The following BCL11B variants were observed in gnomAD, a reference collection of about 807,000 sequenced individuals.
BCL11B encodes BCL11 transcription factor B.
Under a neutral mutation model 49.9 loss-of-function variants are expected in BCL11B, and 8 were observed. The observed-to-expected ratio is 0.16, with a 90% confidence interval of 0.09 to 0.29. The LOEUF is 0.29. Among genes scored for constraint, BCL11B ranks in the 10% least tolerant of loss-of-function variants. The pLI, the probability that BCL11B is intolerant of heterozygous loss-of-function variation, is 1.00. For synonymous variants in BCL11B, 739 were observed against 637.4 expected, an observed-to-expected ratio of 1.16 and a Z score of -2.40; for missense variants, 1,006 against 1,351.0, an observed-to-expected ratio of 0.74 and a Z score of 4.00.
At position 99,173,342 on chromosome 14, in the gene BCL11B, C is replaced by G. The variant is rs553387176; in HGVS notation, c.*809G>C. 3.4e-4 allele frequency: 76 copies of G among 221,446 alleles called. No homozygotes were observed. Among genetic ancestry groups the G allele is most frequent in the African/African-American group, 1.6e-3 (71 of 44,704 alleles). 13.7% of individuals were successfully genotyped at this position (221,446 alleles called of 1,614,324 possible). On this transcript the variant is annotated 3_prime_UTR_variant, in exon 4 of 4. Transcript: ENST00000357195. ...GAGGAGCCCTCCAAAAACCCTATCTCTGGCGGCGCTGAGTCTGTGGGGTGC... is the reference window on the plus strand; with the variant it reads ...GAGGAGCCCTCCAAAAACCCTATCTGTGGCGGCGCTGAGTCTGTGGGGTGC...
chr14:99,271,211 C>A lies in BCL11B; in HGVS notation c.8G>T (p.Arg3Leu). MSRRKQGNPQHLS... is the reference protein window; with the variant it reads MSLRKQGNPQHLS... ...GTGCTGCGGGTTGCCCTGTTTGCGG[C>A]GGGACATTGCCCCGGCATCTATTCT... Residue 3 changes from arginine (R) to leucine (L), a missense_variant, in exon 1 of 4, where the codon CGC (arginine) becomes CTC (leucine). Arg to Leu is a moderately radical substitution (Grantham distance 102). Coordinates refer to ENST00000357195, the MANE Select transcript of BCL11B (RefSeq NM_138576.4). 6.5e-7 allele frequency: 1 copy of A among 1,532,182 alleles called. No individual in the cohort carries two copies. The allele number at this position is 1,532,182 out of a possible 1,614,324, so 94.9% of individuals were successfully genotyped here. A position where few individuals can be genotyped will look rare whatever the true frequency, so the allele number is the denominator to read the frequency against.
intron 3 of BCL11B, among the ~76,000 whole-genome samples, chr14:99,209,536 A>G (rs926250395): frequency 6.6e-6 from 1 of 152,056 alleles, no homozygotes; most frequent in Non-Finnish European, 1.5e-5. Context: ...ACCAGGGGAG[A>G]GAAGCATGCG....
rs985809546 is a variant in BCL11B at position 99,232,841 on chromosome 14, A to C, written c.428-1284T>G. ...TTTCTCTGTAGCCCTGGTTTCTCTA[A>C]AACATGGGTTATCCAGGATCAAGGC... On this transcript the variant is annotated intron_variant, in intron 2 of 3. Coordinates refer to ENST00000357195, the MANE Select transcript of BCL11B (RefSeq NM_138576.4). The surrounding 1 kb of genome is among the most constrained non-coding windows in gnomAD (Gnocchi z 5.1). Among the ~76,000 whole-genome samples the C allele has an allele frequency of 6.6e-6, 1 of 152,160 alleles. No homozygotes were observed. Among genetic ancestry groups the C allele is most frequent in the Admixed American group, 6.5e-5 (1 of 15,270 alleles).
intron 3 of BCL11B, among the ~76,000 whole-genome samples, chr14:99,179,654 T>C (rs1229636290): frequency 6.6e-6 from 1 of 152,004 alleles, no homozygotes; most frequent in Non-Finnish European, 1.5e-5. Flanking sequence ...GGGAACCGCT[T>C]TGGTTCCAAT....
chr14:99,175,381 G>C lies in BCL11B; in HGVS notation c.1455C>G (p.Ala485=). ...KTHMHKAGSL[A]GRSDDGLSAA... is the part of the protein sequence containing the mutation. ...CCGAGAGCCCGTCGTCGGAGCGGCC[G>C]GCCAGCGAGCCGGCCTTGTGCATGT... Residue 485 remains alanine, a synonymous_variant, in exon 4 of 4, where the codon GCC becomes GCG. Transcript: ENST00000357195. 6.3e-7 allele frequency: 1 copy of C among 1,592,290 alleles called. No individual in the cohort carries two copies. Among genetic ancestry groups the C allele is most frequent in the Non-Finnish European group, 8.5e-7 (1 of 1,173,066 alleles).
In BCL11B at chr14:99,242,604, C is replaced by T. The variant is rs1888704179; in HGVS notation, c.428-11047G>A. 6.6e-6 allele frequency among the ~76,000 whole-genome samples: 1 copy of T among 152,248 alleles called. No individual in the cohort carries two copies. The highest frequency in any genetic ancestry group is 6.5e-5 in the Admixed American group (1 of 15,292). On this transcript the variant is annotated intron_variant, in intron 2 of 3. Coordinates refer to ENST00000357195, the MANE Select transcript of BCL11B (RefSeq NM_138576.4). This position sits in a 1 kb window ranked among gnomAD's most constrained non-coding sequence, Gnocchi z 4.4. The stretch of plus-strand genomic sequence containing the variant: ...AAGGAGAGGACCACACTCTCCCACC[C>T]CTACCCCACAACTCCAGCCCAAAGT...
At chr14:99,197,220 G>A (rs1887202671) in intron 3 of BCL11B, among the ~76,000 whole-genome samples, 1 of 152,158 alleles carries the variant, frequency 6.6e-6, no homozygotes, top group African/African-American at 2.4e-5. Flanking sequence ...GATACAGTTG[G>A]TGGCAGTGGG....
chr14:99,176,418 C>G lies in BCL11B; in HGVS notation c.641-223G>C, dbSNP rs946535359. Among the ~76,000 whole-genome samples, 2 of 152,172 alleles carry G rather than the reference C, an allele frequency of 1.3e-5. 1 individual carries two copies. The highest frequency in any genetic ancestry group is 4.1e-4 in the South Asian group (2 of 4,832). On this transcript the variant is annotated intron_variant, in intron 3 of 3. Coordinates refer to ENST00000357195, the MANE Select transcript of BCL11B (RefSeq NM_138576.4). ...TCTGTGGGCGGGCCGCCCTGGCCAC[C>G]CGGGCGCCAGCGACTTACTTCAATT... is the stretch of plus-strand genomic sequence containing the variant.
At chr14:99,253,683 C>T (rs1320340102) in intron 2 of BCL11B, among the ~76,000 whole-genome samples, 1 of 152,082 alleles carries the variant, frequency 6.6e-6, no homozygotes, top group African/African-American at 2.4e-5. Context: ...GCCCCTTTCT[C>T]CTCACCCCTC....
At position 99,242,716 on chromosome 14, in the gene BCL11B, C is replaced by T. The variant is rs1449473484; in HGVS notation, c.428-11159G>A. Reference sequence around the variant, plus strand: ...ACAAGACTAATCCAGAGGTTTTGGACCCTGCCAGAGGTTATTTTATGAAAA... The same window carrying T: ...ACAAGACTAATCCAGAGGTTTTGGATCCTGCCAGAGGTTATTTTATGAAAA... On this transcript the variant is annotated intron_variant, in intron 2 of 3. Transcript: ENST00000357195. This position sits in a 1 kb window ranked among gnomAD's most constrained non-coding sequence, Gnocchi z 4.4. Among the ~76,000 whole-genome samples, 1 of 152,242 alleles carries T rather than the reference C, an allele frequency of 6.6e-6. No individual in the cohort carries two copies. The highest frequency in any genetic ancestry group is 1.5e-5 in the Non-Finnish European group (1 of 68,046).
In BCL11B at chr14:99,175,507, G is replaced by A. The variant is rs554392409; in HGVS notation, c.1329C>T (p.Ile443=). The A allele has an allele frequency of 6.8e-6, 11 of 1,609,868 alleles. No homozygotes were observed. The African/African-American group carries it at 1.2e-4, about 18-fold the overall frequency. The change falls in exon 4 of 4, where the codon ATC becomes ATT. Residue 443 remains isoleucine, a synonymous_variant. Coordinates refer to ENST00000357195, the MANE Select transcript of BCL11B (RefSeq NM_138576.4). ...GKTFKFQSNL[I]VHRRSHTGEK... ...CGCCCGTGTGACTGCGCCGGTGCAC[G>A]ATGAGATTGCTCTGGAACTTGAAGG...
chr14:99,269,519 C>CG (rs1159344680), intron 1 of BCL11B, among the ~76,000 whole-genome samples: 4 of 130,620 alleles, frequency 3.1e-5, no homozygotes, highest in Non-Finnish European at 5.5e-5. Flanking sequence ...TTCTATTCCC[C>CG]CCCCCCCAAA....
At position 99,192,304 on chromosome 14, in the gene BCL11B, C is replaced by T. The variant is rs916838675; in HGVS notation, c.641-16109G>A. ...ACTTTCATTTTAAGCGCCCCAGCCA[C>T]GCTTCCCTAATAACAGCCTGGGAAC... On this transcript the variant is annotated intron_variant, in intron 3 of 3. Transcript: ENST00000357195. This position sits in a 1 kb window ranked among gnomAD's most constrained non-coding sequence, Gnocchi z 4.0. Among the ~76,000 whole-genome samples the T allele has an allele frequency of 5.9e-5, 9 of 152,158 alleles. No homozygotes were observed. Among genetic ancestry groups the T allele is most frequent in the Non-Finnish European group, 1.0e-4 (7 of 68,022 alleles).
chr14:99,182,310 CTG>C (rs1449558332), intron 3 of BCL11B, among the ~76,000 whole-genome samples: 1 of 152,172 alleles, frequency 6.6e-6, no homozygotes, highest in African/African-American at 2.4e-5. Flanking sequence ...GATGAAGAAA[CTG>C]AGGACGGGAA....
At chr14:99,206,529 C>T (rs1332088240) in intron 3 of BCL11B, among the ~76,000 whole-genome samples, 1 of 152,212 alleles carries the variant, frequency 6.6e-6, no homozygotes, top group Non-Finnish European at 1.5e-5. Flanking sequence ...TCCCTCTGTC[C>T]AGCATATCCA....
At chr14:99,256,953 G>A (rs1171072511) in intron 2 of BCL11B, among the ~76,000 whole-genome samples, 1 of 152,102 alleles carries the variant, frequency 6.6e-6, no homozygotes, top group Non-Finnish European at 1.5e-5. Flanking sequence ...AGAAAGGAGA[G>A]GGGAGAGAAT....
rs1338750701 is a variant in BCL11B, at chr14:99,170,016, G to A, written c.*4135C>T. On this transcript the variant is annotated 3_prime_UTR_variant, in exon 4 of 4. Transcript: ENST00000357195. ...GTGTTGGTTTTTTAAACACAAAACA[G>A]AAGCAAAATTCTCTCTTCTCTGCAG... 9 of 228,094 alleles carry A rather than the reference G, an allele frequency of 3.9e-5. No individual in the cohort carries two copies. The highest frequency in any genetic ancestry group is 1.7e-4 in the Admixed American group (3 of 17,584). 14.1% of individuals were successfully genotyped at this position (228,094 alleles called of 1,614,324 possible).
chr14:99,243,333 T>C (rs1180277194), intron 2 of BCL11B, among the ~76,000 whole-genome samples: 3 of 152,184 alleles, frequency 2.0e-5, no homozygotes, highest in Non-Finnish European at 4.4e-5. Context: ...TAATTCTTCT[T>C]CCTTGCAGTA....
At chr14:99,206,976 A>G (rs1298349707) in intron 3 of BCL11B, among the ~76,000 whole-genome samples, 2 of 152,144 alleles carry the variant, frequency 1.3e-5, no homozygotes, top group Non-Finnish European at 2.9e-5. Flanking sequence ...TATCTAAAAA[A>G]CCATGGGATG....
Sources: gnomAD v4.1 joint callset for allele counts (sites outside exome capture counted in the v4.1 genomes callset) on GRCh38, gnomAD v4.1.1 for gene constraint, Gnocchi (gnomAD v3.1) non-coding constraint, MANE v1.5 for transcripts, NCBI Gene and HGNC (gene_info 2026-07-23, HGNC 2026-07-21) for gene names.